EYS: variants seen among roughly 807,000 people sequenced by gnomAD.
The protein encoded by EYS is EGF-like photoreceptor maintenance factor.
A neutral mutation model predicts 282.1 loss-of-function variants in EYS; 250 were observed. That is an observed-to-expected ratio of 0.89 (90% CI 0.80 to 0.98). The LOEUF is 0.98. EYS is among the 50% of genes least tolerant of loss of function. The pLI is 0.00. For missense variants in EYS, 4,016 were observed against 3,709.0 expected (o/e 1.08, Z -2.15); for synonymous variants, 1,355 against 1,282.9 (o/e 1.06, Z -1.20).
chr6:65,701,500 C>G (rs540546637), intron 1 of EYS, among the ~76,000 whole-genome samples: 4 of 152,252 alleles, frequency 2.6e-5, no homozygotes, highest in Admixed American at 1.3e-4. Context: ...AAACAACTGA[C>G]CAATAATACT....
At chr6:65,026,750 T>A (rs990027476) in intron 13 of EYS, among the ~76,000 whole-genome samples, 29 of 152,018 alleles carry the variant, frequency 1.9e-4, no homozygotes, top group African/African-American at 6.8e-4. Flanking sequence ...ACCCTGTCTC[T>A]ACTAAAAATA....
At chr6:64,274,490 T>TTTTTTTGTTTTG (rs1554224761) in intron 30 of EYS, among the ~76,000 whole-genome samples, 3 of 149,084 alleles carry the variant, frequency 2.0e-5, no homozygotes, top group African/African-American at 7.5e-5. Flanking sequence ...CGTTTTTTTT[T>TTTTTTTGTTTTG]TTTTTTTTTT....
chr6:64,443,301 T>A (rs1775009855), intron 26 of EYS, among the ~76,000 whole-genome samples: 1 of 152,230 alleles, frequency 6.6e-6, no homozygotes, highest in Non-Finnish European at 1.5e-5. Context: ...CCAATGCCTG[T>A]AGCCCCTATT....
chr6:63,872,696 C>T (rs930903573), intron 35 of EYS, among the ~76,000 whole-genome samples: 1 of 151,930 alleles, frequency 6.6e-6, no homozygotes, highest in African/African-American at 2.4e-5. Flanking sequence ...CCAGGATGGT[C>T]TCAACTCCTG....
intron 22 of EYS, among the ~76,000 whole-genome samples, chr6:64,658,960 T>C (rs1212773187): frequency 3.9e-5 from 6 of 152,230 alleles, no homozygotes; most frequent in African/African-American, 1.4e-4. Context: ...ACACTGCACT[T>C]ATTCTAAAAT....
intron 2 of EYS, among the ~76,000 whole-genome samples, chr6:65,592,263 T>G (rs745468435): frequency 6.6e-6 from 1 of 152,006 alleles, no homozygotes; most frequent in South Asian, 2.1e-4. Context: ...TTAATTTGAT[T>G]GATTAATTTT....
intron 41 of EYS, among the ~76,000 whole-genome samples, chr6:63,745,951 G>C (rs1175232423): frequency 6.6e-6 from 1 of 152,310 alleles, no homozygotes; most frequent in East Asian, 1.9e-4. Flanking sequence ...GACACAGGTA[G>C]AGCCAGCTGT....
intron 12 of EYS, among the ~76,000 whole-genome samples, chr6:65,259,038 C>T (rs1380753943): frequency 6.6e-6 from 1 of 151,868 alleles, no homozygotes; most frequent in Non-Finnish European, 1.5e-5. Flanking sequence ...CAGATCTACG[C>T]AAGATGATTA....
intron 2 of EYS, among the ~76,000 whole-genome samples, chr6:65,617,065 G>A (rs1433275091): frequency 6.6e-6 from 1 of 152,220 alleles, no homozygotes; most frequent in Admixed American, 6.5e-5. Flanking sequence ...TGGAAAGGGA[G>A]AAATATTTTT....
At chr6:64,758,862 G>T (rs865839961) in intron 22 of EYS, among the ~76,000 whole-genome samples, 25 of 152,218 alleles carry the variant, frequency 1.6e-4, no homozygotes, top group Admixed American at 5.9e-4. Context: ...GTCTTGGCCG[G>T]GCGCAGTGGC....
At chr6:64,859,219 C>CTAATATATTTATATTTATTAAATATAT (rs758399280) in intron 19 of EYS, among the ~76,000 whole-genome samples, 186 of 147,444 alleles carry the variant, frequency 1.3e-3, no homozygotes, top group Non-Finnish European at 1.8e-3. Context: ...ATATTTATAT[C>CTAATATATTTATATTTATTAAATATAT]TAATATATTT....
chr6:65,339,773 A>G (rs1326345285), intron 10 of EYS, among the ~76,000 whole-genome samples: 2 of 151,212 alleles, frequency 1.3e-5, no homozygotes, highest in African/African-American at 4.8e-5. Flanking sequence ...ACAGGGAAGT[A>G]AGAGTACTAT....
chr6:65,377,258 C>A (rs1765406944), intron 8 of EYS, among the ~76,000 whole-genome samples: 1 of 152,088 alleles, frequency 6.6e-6, no homozygotes, highest in African/African-American at 2.4e-5. Context: ...GGAAACTGAA[C>A]AACTTGCTCC....
At chr6:65,005,931 T>G (rs1016081901) in intron 13 of EYS, among the ~76,000 whole-genome samples, 1 of 152,102 alleles carries the variant, frequency 6.6e-6, no homozygotes, top group Admixed American at 6.5e-5. Context: ...GCCCCAAAAT[T>G]CTCCTTACCT....
At chr6:65,612,403 C>T (rs75514761) in intron 2 of EYS, among the ~76,000 whole-genome samples, 240 of 151,678 alleles carry the variant, frequency 1.6e-3, no homozygotes, top group African/African-American at 5.5e-3. Context: ...AACACAGGTA[C>T]TAAATTTACC....
In EYS at chr6:65,217,326, A is replaced by G. The variant is rs188457759; in HGVS notation, c.2023+78537T>C. Reference sequence around the variant, plus strand: ...TTATCCAAATCTAATGTCTATGGTCATTTCATTCCATGAAGATGAAGTATT... The same window carrying G: ...TTATCCAAATCTAATGTCTATGGTCGTTTCATTCCATGAAGATGAAGTATT... On this transcript the variant is annotated intron_variant, in intron 12 of 42. Coordinates refer to ENST00000503581, the MANE Select transcript of EYS (RefSeq NM_001142800.2). Among the ~76,000 whole-genome samples, 11 of 152,216 alleles carry G rather than the reference A, an allele frequency of 7.2e-5. No individual in the cohort carries two copies. The East Asian group carries it at 2.1e-3, about 29-fold the overall frequency.
intron 22 of EYS, among the ~76,000 whole-genome samples, chr6:64,701,944 T>C (rs1218267870): frequency 6.6e-6 from 1 of 151,996 alleles, no homozygotes; most frequent in Non-Finnish European, 1.5e-5. Flanking sequence ...CAATTTACAA[T>C]AATTATTTTG....
chr6:63,787,183 G>A (rs2149669774), intron 39 of EYS: 1 of 152,012 alleles, frequency 6.6e-6, no homozygotes, highest in East Asian at 1.9e-4. Flanking sequence ...TAAGAGAAAG[G>A]GCCAGCTCTG....
intron 5 of EYS, among the ~76,000 whole-genome samples, chr6:65,430,216 T>A (rs183816871): frequency 7.0e-4 from 107 of 152,218 alleles, no homozygotes; most frequent in Non-Finnish European, 1.2e-3. Context: ...AGGTGAGCAC[T>A]CATAGTATCC....
Sources: allele counts gnomAD v4.1 joint callset (sites outside exome capture counted in the v4.1 genomes callset), GRCh38; gene constraint gnomAD v4.1.1; transcripts MANE v1.5; gene names NCBI Gene and HGNC (gene_info 2026-07-23, HGNC 2026-07-21).